SCNN1B: variants seen among roughly 807,000 people sequenced by gnomAD.
SCNN1B encodes the protein sodium channel epithelial 1 subunit beta.
SCNN1B carries 46 observed loss-of-function variants against 65.3 expected under a neutral mutation model. That is an observed-to-expected ratio of 0.70 (90% CI 0.56 to 0.90). SCNN1B has a LOEUF of 0.90. SCNN1B is among the 40% of genes least tolerant of loss of function. The pLI is 0.00. For missense variants in SCNN1B, 751 were observed against 830.5 expected, an observed-to-expected ratio of 0.90 and a Z score of 1.18; for synonymous variants, 349 against 330.6, an observed-to-expected ratio of 1.06 and a Z score of -0.60.
At position 23,380,492 on chromosome 16, in the gene SCNN1B, C is replaced by T. The variant is rs761154297; in HGVS notation, c.1614C>T (p.Ile538=). ...FWMGGSVLCL[I]EFGEIIIDFV... ...TGGGGGGCTCTGTGCTGTGCCTCATCGAGTTTGGGGAGATCATCATCGACT... is the reference window on the plus strand; with the variant it reads ...TGGGGGGCTCTGTGCTGTGCCTCATTGAGTTTGGGGAGATCATCATCGACT... Residue 538 remains isoleucine (I), a synonymous_variant, in exon 13 of 13, where the codon ATC becomes ATT. Coordinates refer to ENST00000343070, the MANE Select transcript of SCNN1B (RefSeq NM_000336.3). This position sits in a 1 kb window ranked among gnomAD's most constrained non-coding sequence, Gnocchi z 5.4. The T allele has an allele frequency of 3.8e-5, 62 of 1,614,090 alleles. No individual in the cohort carries two copies. The highest frequency in any genetic ancestry group is 4.8e-5 in the Non-Finnish European group (57 of 1,180,042).
chr16:23,299,376 TAGG>T (rs1240310138), upstream of SCNN1B, among the ~76,000 whole-genome samples: 16 of 152,282 alleles, frequency 1.1e-4, no homozygotes, highest in East Asian at 3.9e-4. Flanking sequence ...GCTATTTTCA[TAGG>T]TCAATAATAG....
chr16:23,310,498 A>C (rs2141984744), intron 1 of SCNN1B, among the ~76,000 whole-genome samples: 1 of 152,308 alleles, frequency 6.6e-6, no homozygotes, highest in South Asian at 2.1e-4. Context: ...CAGCCTGGGC[A>C]ATATAGTGAG....
In SCNN1B at chr16:23,380,686, C is replaced by T; in HGVS notation, c.1808C>T (p.Pro603Leu). The change falls in exon 13 of 13, where the codon CCC (proline) becomes CTC (leucine). Residue 603 changes from proline to leucine, a missense_variant. Pro to Leu is a moderately conservative substitution (Grantham distance 98). Transcript: ENST00000343070. The surrounding 1 kb of genome is among the most constrained non-coding windows in gnomAD (Gnocchi z 5.4). ...GCCCCCCGCAGCCCCAACACTGGGC[C>T]CTACCCCAGTGAGCAGGCCCTGCCC... ...DTAPRSPNTG[P>L]YPSEQALPIP... 6.2e-7 allele frequency: 1 copy of T among 1,612,424 alleles called. No individual in the cohort carries two copies. Among genetic ancestry groups the T allele is most frequent in the Middle Eastern group, 1.7e-4 (1 of 5,878 alleles).
intron 1 of SCNN1B, among the ~76,000 whole-genome samples, chr16:23,345,009 AAG>A (rs112886828): frequency 1.1e-3 from 156 of 147,658 alleles, no homozygotes; most frequent in African/African-American, 1.4e-3. Context: ...AGGAGAGAGA[AAG>A]AGAGAGAGAG....
chr16:23,359,083 C>T (rs1962479873), intron 4 of SCNN1B: 1 of 152,062 alleles, frequency 6.6e-6, no homozygotes. Context: ...CTGTTATTTT[C>T]CCCTTATTTT....
At chr16:23,343,581 G>GAGAGAA (rs1962108342) in intron 1 of SCNN1B, among the ~76,000 whole-genome samples, 1 of 70,324 alleles carries the variant, frequency 1.4e-5, no homozygotes, top group Non-Finnish European at 2.6e-5. Flanking sequence ...GAAAGAAAAA[G>GAGAGAA]AGAAAGAAAG....
At position 23,346,200 on chromosome 16, in the gene SCNN1B, CTTTTTTT is replaced by C. The variant is rs753802362; in HGVS notation, c.-8-2369_-8-2363del. Among the ~76,000 whole-genome samples the C allele has an allele frequency of 4.2e-4, 33 of 78,010 alleles. No homozygotes were observed. In the South Asian group the frequency reaches 4.4e-3, roughly 11 times the overall value. The allele number at this position is 78,010 out of a possible 152,430, so 51.2% of individuals were successfully genotyped here. ...CCATGGAACACCCTTTTTTCCTTTT[CTTTTTTT>C]TTTTTTTTTTTTTTTTTTTTTTGAG... On this transcript the variant is annotated intron_variant, in intron 1 of 12. Coordinates refer to ENST00000343070, the MANE Select transcript of SCNN1B (RefSeq NM_000336.3).
upstream of SCNN1B, among the ~76,000 whole-genome samples, chr16:23,297,419 C>T (rs1264426257): frequency 6.6e-6 from 1 of 152,172 alleles, no homozygotes; most frequent in African/African-American, 2.4e-5. Context: ...CAACAGATAC[C>T]CCAAGATGGC....
chr16:23,332,822 AG>A (rs1427113652), intron 1 of SCNN1B, among the ~76,000 whole-genome samples: 3 of 152,068 alleles, frequency 2.0e-5, no homozygotes, highest in Admixed American at 2.0e-4. Context: ...CCGTAATCCC[AG>A]CACTTTGGGA....
chr16:23,379,616 C>T (rs1211535830), intron 11 of SCNN1B, among the ~76,000 whole-genome samples: 3 of 152,168 alleles, frequency 2.0e-5, no homozygotes, highest in South Asian at 2.1e-4. Context: ...CTTCTCTGTC[C>T]CAGGTGCAGT....
Position 23,380,522 on chromosome 16 carries a change from G to A in SCNN1B, c.1644G>A (p.Val548=), listed in dbSNP as rs1963022177. The A allele has an allele frequency of 5.0e-6, 8 of 1,614,154 alleles. No homozygotes were observed. The South Asian group carries it at 8.8e-5, about 18-fold the overall frequency. The part of the protein sequence containing the change: ...IEFGEIIIDF[V]WITIIKLVAL... ...TTGGGGAGATCATCATCGACTTTGT[G>A]TGGATCACCATCATCAAGCTGGTGG... is the stretch of plus-strand genomic sequence containing the variant. The change falls in exon 13 of 13, where the codon GTG becomes GTA. Residue 548 remains valine (V), a synonymous_variant. Coordinates refer to ENST00000343070, the MANE Select transcript of SCNN1B (RefSeq NM_000336.3). This position sits in a 1 kb window ranked among gnomAD's most constrained non-coding sequence, Gnocchi z 5.4.
At chr16:23,297,947 C>A (rs576829167), upstream of SCNN1B, among the ~76,000 whole-genome samples, 8 of 152,274 alleles carry the variant, frequency 5.3e-5, 1 homozygote, top group African/African-American at 1.7e-4. Context: ...TTCACCTTGT[C>A]TTCTATGCAA....
rs550703590 is a variant in SCNN1B at position 23,353,883 on chromosome 16, G to T, written c.585+809G>T. Among the ~76,000 whole-genome samples, 3 of 152,310 alleles carry T rather than the reference G, an allele frequency of 2.0e-5. No individual in the cohort carries two copies. In the East Asian group the frequency reaches 5.8e-4, roughly 29 times the overall value. ...CCTGCCCGTGTCTCAGGATCTCCTG[G>T]GAGCTCTGTCACAATACACATCCCT... On this transcript the variant is annotated intron_variant, in intron 3 of 12. Transcript: ENST00000343070.
rs142550343 is a variant in SCNN1B at position 23,371,818 on chromosome 16, G to A, written c.1087G>A (p.Val363Met). ...RMGEPYSPCT[V>M]NGSEVPVQNF... ...GGGGGAGCCCTACAGCCCGTGCACC[G>A]TGAATGGTTCTGAGGTCCCCGTCCA... Residue 363 changes from valine (V) to methionine (M), a missense_variant, in exon 7 of 13, where the codon GTG becomes ATG. Val to Met is a conservative substitution (Grantham distance 21, BLOSUM62 1). Transcript: ENST00000343070. 94 of 1,614,220 alleles carry A rather than the reference G, an allele frequency of 5.8e-5. 1 individual carries two copies. The East Asian group carries it at 1.4e-3, about 24-fold the overall frequency.
At chr16:23,303,983 C>G (rs1234822715) in intron 1 of SCNN1B, 12 of 1,118,630 alleles carry the variant, frequency 1.1e-5, no homozygotes, top group Non-Finnish European at 1.4e-5. Flanking sequence ...CTTGAGCCCT[C>G]TCATCACCAG....
intron 2 of SCNN1B, among the ~76,000 whole-genome samples, chr16:23,351,663 T>C (rs956805022): frequency 1.3e-5 from 2 of 152,172 alleles, no homozygotes; most frequent in East Asian, 3.9e-4. Context: ...TTACCCCACT[T>C]TGAGGCAGGG....
In SCNN1B at chr16:23,380,677, A is replaced by G. The variant is rs781606255; in HGVS notation, c.1799A>G (p.Asn600Ser). ...FQPDTAPRSP[N>S]TGPYPSEQAL... ...CCTGACACGGCCCCCCGCAGCCCCA[A>G]CACTGGGCCCTACCCCAGTGAGCAG... Residue 600 changes from asparagine (N) to serine (S), a missense_variant, in exon 13 of 13, where the codon AAC (asparagine) becomes AGC (serine). Coordinates refer to ENST00000343070, the MANE Select transcript of SCNN1B (RefSeq NM_000336.3). This position sits in a 1 kb window ranked among gnomAD's most constrained non-coding sequence, Gnocchi z 5.4. 3.7e-6 allele frequency: 6 copies of G among 1,612,400 alleles called. No homozygotes were observed. Among genetic ancestry groups the G allele is most frequent in the Middle Eastern group, 1.7e-4 (1 of 5,900 alleles).
intron 1 of SCNN1B, chr16:23,304,210 G>T: frequency 1.2e-6 from 1 of 861,686 alleles, no homozygotes; most frequent in Non-Finnish European, 1.8e-6. Flanking sequence ...AGGGGATGAG[G>T]TCCTCTCTTT....
intron 1 of SCNN1B, among the ~76,000 whole-genome samples, chr16:23,346,119 C>CCCATACT (rs955998790): frequency 6.6e-6 from 1 of 151,810 alleles, no homozygotes; most frequent in African/African-American, 2.4e-5. Context: ...TCATCCATGA[C>CCCATACT]CCATACTCTC....
Sources: gnomAD v4.1 joint callset for allele counts (sites outside exome capture counted in the v4.1 genomes callset) on GRCh38, gnomAD v4.1.1 for gene constraint, Gnocchi (gnomAD v3.1) non-coding constraint, MANE v1.5 for transcripts, NCBI Gene and HGNC (gene_info 2026-07-23, HGNC 2026-07-21) for gene names.